Variants in WASF3 observed in about 807,000 individuals in gnomAD.
WASF3 encodes the protein WASP family member 3.
A neutral mutation model predicts 46.6 loss-of-function variants in WASF3; 11 were observed. That is an observed-to-expected ratio of 0.24 (90% CI 0.15 to 0.39). The LOEUF is 0.39. WASF3 is among the 10% of genes least tolerant of loss of function. WASF3 has a pLI of 1.00. For missense variants in WASF3, 576 were observed against 669.8 expected (o/e 0.86, Z 1.55); for synonymous variants, 242 against 259.7 (o/e 0.93, Z 0.65).
At chr13:26,642,497 G>A in intron 3 of WASF3, 94 bp downstream of exon 3, 5 of 1,393,472 alleles carry the variant, frequency 3.6e-6, no homozygotes, top group Non-Finnish European at 4.8e-6. Context: ...AGAGATTGCA[G>A]CTTTAAGGAA....
chr13:26,667,083 G>A (rs1882797468), intron 4 of WASF3, among the ~76,000 whole-genome samples: 2 of 152,068 alleles, frequency 1.3e-5, no homozygotes, highest in African/African-American at 2.4e-5. Flanking sequence ...AAAACTTAAT[G>A]TGTTATTTCC....
chr13:26,576,934 G>C, intron 1 of WASF3: 1 of 773,042 alleles, frequency 1.3e-6, no homozygotes, highest in Non-Finnish European at 2.2e-6. Flanking sequence ...CAAAAAGGGA[G>C]CCAAGAAGAA....
In WASF3 at chr13:26,688,330, C is replaced by A. The variant is rs562925122; in HGVS notation, c.*2485C>A. 6.6e-6 allele frequency: 1 copy of A among 152,294 alleles called. No individual in the cohort carries two copies. The highest frequency in any genetic ancestry group is 1.9e-4 in the East Asian group (1 of 5,192). 9.4% of individuals were successfully genotyped at this position (152,294 alleles called of 1,614,324 possible). ...CAAAAGCACATTTCATTTCTCCAAA[C>A]TTTGTGTTTTAAATTATAGTTATAA... On this transcript the variant is annotated 3_prime_UTR_variant, in exon 10 of 10. Coordinates refer to ENST00000335327, the MANE Select transcript of WASF3 (RefSeq NM_006646.6).
At chr13:26,544,174 G>T in the WASF3 span, among the ~76,000 whole-genome samples, 1 of 152,192 alleles carries the variant, frequency 6.6e-6, no homozygotes, top group Non-Finnish European at 1.5e-5. Flanking sequence ...TTTCAAGAGG[G>T]TGAGAGAAAG....
intron 5 of WASF3, 64 bp downstream of exon 5, chr13:26,667,734 G>T: frequency 1.4e-6 from 2 of 1,481,124 alleles, no homozygotes; most frequent in Non-Finnish European, 1.8e-6. Context: ...AGAGCTGGGA[G>T]CAAGCTGATG....
chr13:26,622,240 G>A (rs963004715), intron 2 of WASF3, among the ~76,000 whole-genome samples: 14 of 152,166 alleles, frequency 9.2e-5, no homozygotes, highest in African/African-American at 3.1e-4. Flanking sequence ...CTGCAAACTG[G>A]TTGTTCTGAA....
In WASF3 at chr13:26,679,047, C is replaced by T. The variant is rs1883149473; in HGVS notation, c.717-2007C>T. On this transcript the variant is annotated intron_variant, in intron 7 of 9. Transcript: ENST00000335327. This position sits in a 1 kb window ranked among gnomAD's most constrained non-coding sequence, Gnocchi z 4.8. ...CATCTCCGGCCCTCCCGGCCCTCCT[C>T]CTCCCATCGTCCCCGGCCCTCCCAG... is the stretch of plus-strand genomic sequence containing the variant. Among the ~76,000 whole-genome samples, 1 of 150,882 alleles carries T rather than the reference C, an allele frequency of 6.6e-6. No individual in the cohort carries two copies. Among genetic ancestry groups the T allele is most frequent in the Non-Finnish European group, 1.5e-5 (1 of 67,704 alleles).
chr13:26,660,951 G>A (rs61945623), intron 3 of WASF3, among the ~76,000 whole-genome samples: 26,031 of 152,018 alleles, frequency 0.17, 2,568 homozygotes, highest in South Asian at 0.26. Context: ...GAGGTCACAT[G>A]GAGAGAGAGA....
rs78104594 is a variant in WASF3, at chr13:26,640,910, A to G, written c.-10-1351A>G. The G allele has an allele frequency of 5.3e-5, 8 of 152,270 alleles. No homozygotes were observed. The East Asian group carries it at 1.4e-3, about 26-fold the overall frequency. The allele number at this position is 152,270 out of a possible 1,614,324, so 9.4% of individuals were successfully genotyped here. A position where few individuals can be genotyped will look rare whatever the true frequency, so the allele number is the denominator to read the frequency against. On this transcript the variant is annotated intron_variant, in intron 2 of 9. Transcript: ENST00000335327. ...GGGAAAGCCTCCCTCCCCAGTGTTC[A>G]TATTTGTAGATCTTTTCTCTTCAAA... is the stretch of plus-strand genomic sequence containing the variant.
the WASF3 span, among the ~76,000 whole-genome samples, chr13:26,541,014 C>A: frequency 6.6e-6 from 1 of 151,998 alleles, no homozygotes; most frequent in African/African-American, 2.4e-5. Flanking sequence ...TCTCTGGGGT[C>A]TGGAATTATG....
At chr13:26,639,523 G>C (rs1396843512) in intron 2 of WASF3, among the ~76,000 whole-genome samples, 1 of 152,172 alleles carries the variant, frequency 6.6e-6, no homozygotes, top group African/African-American at 2.4e-5. Flanking sequence ...GCAGCTCATA[G>C]TTCATCTGGG....
chr13:26,557,897 C>A (rs1409948277), intron 1 of WASF3, 78 bp downstream of exon 1: 7 of 286,630 alleles, frequency 2.4e-5, no homozygotes, highest in Non-Finnish European at 4.5e-5. Context: ...GGGCGGCTGT[C>A]GGGGGAGGGG....
chr13:26,600,665 G>A (rs756134002), intron 1 of WASF3, among the ~76,000 whole-genome samples: 37 of 152,210 alleles, frequency 2.4e-4, no homozygotes, highest in Non-Finnish European at 4.9e-4. Flanking sequence ...CCGTTCTGCT[G>A]TTGGTTGGTT....
chr13:26,581,961 G>A (rs1475505418), intron 1 of WASF3, among the ~76,000 whole-genome samples: 1 of 152,184 alleles, frequency 6.6e-6, no homozygotes, highest in East Asian at 1.9e-4. Flanking sequence ...TAGATTTGTG[G>A]TTTATAGACA....
intron 3 of WASF3, among the ~76,000 whole-genome samples, chr13:26,653,665 C>G (rs557742159): frequency 1.3e-5 from 2 of 152,320 alleles, no homozygotes; most frequent in South Asian, 4.2e-4. Context: ...TTTGTCTCCT[C>G]AGTGATCTTC....
chr13:26,663,875 G>A (rs1882700138), intron 3 of WASF3, among the ~76,000 whole-genome samples: 2 of 152,154 alleles, frequency 1.3e-5, no homozygotes, highest in Admixed American at 1.3e-4. Flanking sequence ...CCATATTTTT[G>A]TTTCATCTAT....
At position 26,682,381 on chromosome 13, in the gene WASF3, T is replaced by A. The variant is rs1423048034; in HGVS notation, c.984-226T>A. On this transcript the variant is annotated intron_variant, in intron 8 of 9. Transcript: ENST00000335327. This position sits in a 1 kb window ranked among gnomAD's most constrained non-coding sequence, Gnocchi z 4.4. ...AAGTGCTGCACTTTTTGAGTGGTCC[T>A]CCTTTTGGCACATTTCAGTAGCAGA... Among the ~76,000 whole-genome samples the A allele has an allele frequency of 4.6e-5, 7 of 152,250 alleles. No individual in the cohort carries two copies. Among genetic ancestry groups the A allele is most frequent in the African/African-American group, 1.7e-4 (7 of 41,468 alleles).
At chr13:26,615,027 G>A (rs574088756) in intron 2 of WASF3, among the ~76,000 whole-genome samples, 2 of 152,180 alleles carry the variant, frequency 1.3e-5, no homozygotes, top group East Asian at 3.9e-4. Context: ...TCTAGGAGGA[G>A]TGCTTTTTCT....
intron 3 of WASF3, among the ~76,000 whole-genome samples, chr13:26,654,221 C>T (rs114570799): frequency 3.4e-4 from 52 of 152,258 alleles, no homozygotes; most frequent in African/African-American, 1.2e-3. Flanking sequence ...CACTCACTAG[C>T]CTTTAGCCAC....
Sources: gnomAD v4.1 joint callset for allele counts (sites outside exome capture counted in the v4.1 genomes callset) on GRCh38, gnomAD v4.1.1 for gene constraint, Gnocchi (gnomAD v3.1) non-coding constraint, MANE v1.5 for transcripts, NCBI Gene and HGNC (gene_info 2026-07-23, HGNC 2026-07-21) for gene names.